The following AGBL1 variants were observed in gnomAD, a reference collection of about 807,000 sequenced individuals.
AGBL1 encodes the protein AGBL carboxypeptidase 1.
In AGBL1, 130 loss-of-function variants were observed where a neutral mutation model predicts 118.9. The ratio of observed to expected loss-of-function variants is 1.09; its 90% CI spans 0.95 to 1.26. The LOEUF is 1.26. AGBL1 is among the 50% of genes most tolerant of loss of function. The pLI, the probability that AGBL1 is intolerant of heterozygous loss-of-function variation, is 0.00. For synonymous variants in AGBL1, 555 were observed against 478.9 expected, an observed-to-expected ratio of 1.16 and a Z score of -2.08; for missense variants, 1,584 against 1,298.1, an observed-to-expected ratio of 1.22 and a Z score of -3.38.
chr15:86,550,105 T>C (rs1466101681), intron 20 of AGBL1, among the ~76,000 whole-genome samples: 1 of 151,822 alleles, frequency 6.6e-6, no homozygotes, highest in East Asian at 1.9e-4. Flanking sequence ...TAGAGACCTA[T>C]AGGATAGCAT....
At chr15:86,524,728 A>G (rs2083238413) in intron 19 of AGBL1, among the ~76,000 whole-genome samples, 1 of 152,346 alleles carries the variant, frequency 6.6e-6, no homozygotes, top group South Asian at 2.1e-4. Flanking sequence ...GTTATCCAGC[A>G]GAATATTCCA....
At chr15:86,859,489 C>A (rs1489286401) in intron 22 of AGBL1, among the ~76,000 whole-genome samples, 1 of 152,190 alleles carries the variant, frequency 6.6e-6, no homozygotes, top group Non-Finnish European at 1.5e-5. Context: ...CCCCTTAAAT[C>A]TATCTCCCAT....
chr15:86,767,483 T>A (rs1439152531), intron 22 of AGBL1, among the ~76,000 whole-genome samples: 1 of 151,966 alleles, frequency 6.6e-6, no homozygotes, highest in Non-Finnish European at 1.5e-5. Context: ...AGGAGGCATG[T>A]TACCCAAAGG....
chr15:86,220,895 C>T lies in AGBL1; in HGVS notation c.489-4019C>T, dbSNP rs573605309. 3.3e-5 allele frequency among the ~76,000 whole-genome samples: 5 copies of T among 152,138 alleles called. No homozygotes were observed. In the South Asian group the frequency reaches 8.3e-4, roughly 25 times the overall value. On this transcript the variant is annotated intron_variant, in intron 5 of 22. Transcript: ENST00000614907. ...ACACTCTAAGAAAACAGTGCCCTCC[C>T]AAGAAGTCCTCTTCAGGCCGTGCAC... is the stretch of plus-strand genomic sequence containing the variant.
chr15:86,925,071 C>T (rs931322520), intron 23 of AGBL1, among the ~76,000 whole-genome samples: 2 of 149,658 alleles, frequency 1.3e-5, no homozygotes, highest in African/African-American at 4.9e-5. Context: ...CACTGCACTC[C>T]AGCCTGTGTG....
intron 21 of AGBL1, among the ~76,000 whole-genome samples, chr15:86,632,807 T>TTTGGTTTGTG (rs1294682941): frequency 6.6e-6 from 1 of 151,928 alleles, no homozygotes; most frequent in Non-Finnish European, 1.5e-5. Flanking sequence ...GTAGTTTTGT[T>TTTGGTTTGTG]TTTGCAGTTA....
At chr15:86,257,749 G>A (rs1015727468) in intron 8 of AGBL1, among the ~76,000 whole-genome samples, 1 of 152,198 alleles carries the variant, frequency 6.6e-6, no homozygotes, top group Non-Finnish European at 1.5e-5. Context: ...TGGGATAACT[G>A]TTTAAACTTT....
chr15:86,286,156 T>A (rs2079442829), intron 16 of AGBL1, among the ~76,000 whole-genome samples: 2 of 151,904 alleles, frequency 1.3e-5, no homozygotes. Context: ...ATTTTTAATT[T>A]ATTTATAAAA....
chr15:86,994,128 A>C (rs1402932934), intron 24 of AGBL1, among the ~76,000 whole-genome samples: 2 of 152,172 alleles, frequency 1.3e-5, no homozygotes, highest in Non-Finnish European at 2.9e-5. Flanking sequence ...AGCTCCCCGC[A>C]GCAAAGAAAG....
chr15:86,482,186 A>G (rs912341068), intron 18 of AGBL1, among the ~76,000 whole-genome samples: 6 of 152,168 alleles, frequency 3.9e-5, no homozygotes, highest in Non-Finnish European at 7.4e-5. Context: ...CAATATGAAT[A>G]TAAAATAATA....
chr15:86,113,232 C>CTT (rs377661470), intron 1 of AGBL1, among the ~76,000 whole-genome samples: 2 of 88,814 alleles, frequency 2.3e-5, no homozygotes, highest in South Asian at 6.3e-4. Flanking sequence ...CTTTTCTTTT[C>CTT]TTTTCTTTTC....
intron 17 of AGBL1, among the ~76,000 whole-genome samples, chr15:86,386,387 G>A (rs1393074596): frequency 1.3e-5 from 2 of 148,288 alleles, no homozygotes; most frequent in African/African-American, 5.0e-5. Context: ...CCATTTTCAA[G>A]ATTATTTTTT....
In AGBL1 at chr15:86,613,895, A is replaced by C. The variant is rs1347920737; in HGVS notation, c.2994+59358A>C. Among the ~76,000 whole-genome samples the C allele has an allele frequency of 1.3e-5, 2 of 152,198 alleles. No homozygotes were observed. Among genetic ancestry groups the C allele is most frequent in the African/African-American group, 2.4e-5 (1 of 41,458 alleles). On this transcript the variant is annotated intron_variant, in intron 21 of 22. Transcript: ENST00000614907. This position sits in a 1 kb window ranked among gnomAD's most constrained non-coding sequence, Gnocchi z 4.2. ...GTCCTGAGTGAAAAGACCAATCTCT[A>C]GGGATGTTATTCAAAGTAGTTCAAA...
chr15:86,665,020 T>C (rs1251226491), intron 21 of AGBL1, among the ~76,000 whole-genome samples: 4 of 152,156 alleles, frequency 2.6e-5, no homozygotes, highest in Non-Finnish European at 5.9e-5. Context: ...TCTAACCAGT[T>C]AACATTTTTG....
intron 22 of AGBL1, among the ~76,000 whole-genome samples, chr15:86,892,124 A>G (rs2080060686): frequency 6.6e-6 from 1 of 152,144 alleles, no homozygotes; most frequent in African/African-American, 2.4e-5. Context: ...AAGTTTGACT[A>G]AACAGGTCAA....
intron 17 of AGBL1, among the ~76,000 whole-genome samples, chr15:86,362,170 C>T (rs770322616): frequency 1.3e-5 from 2 of 151,706 alleles, no homozygotes; most frequent in African/African-American, 2.4e-5. Context: ...CTAATAACTT[C>T]AGTCACACAA....
chr15:86,838,182 A>C (rs1343295264), intron 22 of AGBL1, among the ~76,000 whole-genome samples: 1 of 147,944 alleles, frequency 6.8e-6, no homozygotes, highest in South Asian at 2.1e-4. Context: ...CTGTAACCTA[A>C]AAAAAAAAAA....
chr15:86,612,458 G>T (rs2084670676), intron 21 of AGBL1, among the ~76,000 whole-genome samples: 2 of 151,476 alleles, frequency 1.3e-5, no homozygotes, highest in African/African-American at 2.4e-5. Context: ...AAGGATGGGG[G>T]TCTGACATGC....
intron 5 of AGBL1, among the ~76,000 whole-genome samples, chr15:86,207,141 GA>G (rs2078007710): frequency 6.6e-6 from 1 of 152,106 alleles, no homozygotes; most frequent in South Asian, 2.1e-4. Flanking sequence ...TGTTATTTCT[GA>G]GGGCTCTGTT....
Sources: gnomAD v4.1 joint callset for allele counts (sites outside exome capture counted in the v4.1 genomes callset) on GRCh38, gnomAD v4.1.1 for gene constraint, Gnocchi (gnomAD v3.1) non-coding constraint, MANE v1.5 for transcripts, NCBI Gene and HGNC (gene_info 2026-07-23, HGNC 2026-07-21) for gene names.